Variants in CREM observed in about 807,000 individuals in gnomAD.
CREM encodes cAMP-responsive element modulator.
CREM carries 13 observed loss-of-function variants against 37.3 expected under a neutral mutation model. The ratio of observed to expected loss-of-function variants is 0.35; its 90% CI spans 0.23 to 0.55. The LOEUF (loss-of-function observed/expected upper bound fraction) is 0.55. Among genes scored for constraint, CREM ranks in the 20% least tolerant of loss-of-function variants. CREM has a pLI of 0.88. For missense variants in CREM, 296 were observed against 362.3 expected (o/e 0.82, Z 1.49); for synonymous variants, 124 against 120.2 (o/e 1.03, Z -0.21).
intron 1 of CREM, among the ~76,000 whole-genome samples, chr10:35,136,100 AC>A (rs2090466010): frequency 1.3e-5 from 2 of 152,088 alleles, no homozygotes; most frequent in South Asian, 4.1e-4. Context: ...AGTGCTAGTT[AC>A]CTCTAGGAAG....
chr10:35,187,151 A>AT (rs1564922207), intron 5 of CREM, among the ~76,000 whole-genome samples: 1 of 71,386 alleles, frequency 1.4e-5, no homozygotes, highest in African/African-American at 5.8e-5. Context: ...TATATAATAT[A>AT]TATAATATAT....
Position 35,211,444 on chromosome 10 carries a change from G to A in CREM, c.*46G>A. On this transcript the variant is annotated 3_prime_UTR_variant, in exon 8 of 8. Transcript: ENST00000685392. ...GTTTACTCTAATCAAGGCAGGAGAT[G>A]CAGCAGTCCTACTTATTGCCATGTG... The A allele has an allele frequency of 2.5e-6, 4 of 1,592,902 alleles. No individual in the cohort carries two copies. The highest frequency in any genetic ancestry group is 3.4e-6 in the Non-Finnish European group (4 of 1,169,220).
chr10:35,147,167 C>T (rs2092226876), intron 2 of CREM, among the ~76,000 whole-genome samples: 1 of 150,712 alleles, frequency 6.6e-6, no homozygotes, highest in South Asian at 2.1e-4. Context: ...TCTCCTGCCT[C>T]AGCCTCCCGA....
At chr10:35,148,573 T>A in intron 3 of CREM, 82 bp downstream of exon 3, 5 of 1,448,694 alleles carry the variant, frequency 3.5e-6, no homozygotes, top group Non-Finnish European at 3.7e-6. Flanking sequence ...TTGCCATTGA[T>A]CTTAAATTTT....
At chr10:35,160,752 A>T (rs185842564) in intron 3 of CREM, among the ~76,000 whole-genome samples, 3 of 152,240 alleles carry the variant, frequency 2.0e-5, no homozygotes, top group Admixed American at 6.5e-5. Flanking sequence ...GTTTTCTTCT[A>T]TGCTTATGCT....
chr10:35,143,329 G>C lies in CREM; in HGVS notation c.45-5039G>C, dbSNP rs924918105. The stretch of plus-strand genomic sequence containing the variant: ...TGAATAGGGTGGGAAGTGAAGAAAG[G>C]GGGAGGCAGATGGGCAGAGAGAAAG... On this transcript the variant is annotated intron_variant, in intron 2 of 7. Coordinates refer to ENST00000685392, the MANE Select transcript of CREM (RefSeq NM_183011.2). Among the ~76,000 whole-genome samples, 13 of 152,318 alleles carry C rather than the reference G, an allele frequency of 8.5e-5. No homozygotes were observed. The East Asian group carries it at 1.2e-3, about 14-fold the overall frequency.
chr10:35,187,009 A>ACGTTGTATGTATAGTACC (rs2094603708), intron 5 of CREM, among the ~76,000 whole-genome samples: 1 of 89,942 alleles, frequency 1.1e-5, no homozygotes, highest in Non-Finnish European at 1.9e-5. Context: ...TATATATAAT[A>ACGTTGTATGTATAGTACC]TAATATATAA....
At chr10:35,175,500 AG>A (rs2094013028) in intron 3 of CREM, 4 of 603,016 alleles carry the variant, frequency 6.6e-6, no homozygotes, top group Non-Finnish European at 1.2e-5. Context: ...AAGAAGTTAG[AG>A]GGTAGTTTAT....
At chr10:35,165,949 T>C (rs1333692436) in intron 3 of CREM, among the ~76,000 whole-genome samples, 3 of 152,186 alleles carry the variant, frequency 2.0e-5, no homozygotes, top group Non-Finnish European at 4.4e-5. Context: ...GACTGAATTA[T>C]AACACTTGCT....
At chr10:35,197,948 G>C (rs187821350) in intron 6 of CREM, among the ~76,000 whole-genome samples, 1 of 152,032 alleles carries the variant, frequency 6.6e-6, no homozygotes, top group African/African-American at 2.4e-5. Flanking sequence ...TAATTATCAC[G>C]GCAAAGTGGA....
At chr10:35,154,095 A>G (rs1253484611) in intron 3 of CREM, 7 of 398,494 alleles carry the variant, frequency 1.8e-5, no homozygotes. Context: ...GGAATAAAGC[A>G]GCCCTGGCAT....
At chr10:35,187,106 TATTATATA>T (rs1564921291) in intron 5 of CREM, among the ~76,000 whole-genome samples, 3 of 72,014 alleles carry the variant, frequency 4.2e-5, no homozygotes, top group African/African-American at 1.1e-4. Flanking sequence ...ATATGATATA[TATTATATA>T]AATATATAAA....
intron 1 of CREM, among the ~76,000 whole-genome samples, chr10:35,129,254 C>A (rs898315580): frequency 1.3e-5 from 2 of 152,136 alleles, no homozygotes; most frequent in African/African-American, 4.8e-5. Context: ...AAACATAGGA[C>A]ATTTTTATTT....
At chr10:35,143,833 G>C (rs1352950718) in intron 2 of CREM, among the ~76,000 whole-genome samples, 1 of 152,138 alleles carries the variant, frequency 6.6e-6, no homozygotes, top group Non-Finnish European at 1.5e-5. Flanking sequence ...GACCTTGATT[G>C]GGTGTGGGAA....
At chr10:35,166,697 G>A (rs1467145606) in intron 3 of CREM, among the ~76,000 whole-genome samples, 6 of 151,774 alleles carry the variant, frequency 4.0e-5, no homozygotes, top group Admixed American at 1.3e-4. Context: ...CCACTGAACC[G>A]CAGCCTGAGC....
chr10:35,195,967 T>C (rs1339785653), intron 6 of CREM: 1 of 1,380,074 alleles, frequency 7.2e-7, no homozygotes, highest in African/African-American at 1.4e-5. Flanking sequence ...AAGCTGCCTT[T>C]TAGACTGAAT....
chr10:35,197,416 C>CTTTTTTTA (rs369012371), intron 6 of CREM, among the ~76,000 whole-genome samples: 2 of 142,774 alleles, frequency 1.4e-5, no homozygotes, highest in Non-Finnish European at 3.1e-5. Flanking sequence ...TTTCATTTTA[C>CTTTTTTTA]TTTATTTATT....
chr10:35,170,393 A>G (rs2093754809), intron 3 of CREM, among the ~76,000 whole-genome samples: 1 of 152,186 alleles, frequency 6.6e-6, no homozygotes, highest in Non-Finnish European at 1.5e-5. Flanking sequence ...AGGCTTTGGT[A>G]TCAGGATGAT....
At position 35,175,222 on chromosome 10, in the gene CREM, C is replaced by G. The variant is rs536881314; in HGVS notation, c.169-3667C>G. On this transcript the variant is annotated intron_variant, in intron 3 of 7. Transcript: ENST00000685392. ...CAGCACTTTGGGAGGCCAAGGTGGG[C>G]AGATCACAAGGTCAGGAGATCGAGA... is the stretch of plus-strand genomic sequence containing the variant. Among the ~76,000 whole-genome samples the G allele has an allele frequency of 3.3e-5, 5 of 152,242 alleles. No individual in the cohort carries two copies. The East Asian group carries it at 9.7e-4, about 29-fold the overall frequency.
Sources: gnomAD v4.1 joint callset for allele counts (sites outside exome capture counted in the v4.1 genomes callset) on GRCh38, gnomAD v4.1.1 for gene constraint, MANE v1.5 for transcripts, NCBI Gene and HGNC (gene_info 2026-07-23, HGNC 2026-07-21) for gene names.